TTC17: variants seen among roughly 807,000 people sequenced by gnomAD.
TTC17 encodes the protein tetratricopeptide repeat protein 17.
A neutral mutation model predicts 143.8 loss-of-function variants in TTC17; 58 were observed. The observed-to-expected ratio is 0.40, with a 90% CI of 0.33 to 0.50. The LOEUF is 0.50. Ranked by LOEUF, TTC17 falls within the 20% of genes least tolerant of loss-of-function variation. The pLI, the probability that TTC17 is intolerant of heterozygous loss-of-function variation, is 0.49. For synonymous variants in TTC17, 501 were observed against 497.8 expected, an observed-to-expected ratio of 1.01 and a Z score of -0.09; for missense variants, 1,273 against 1,392.5, an observed-to-expected ratio of 0.91 and a Z score of 1.37.
rs1304170134 is a variant in TTC17, at chr11:43,414,641, A to G, written c.2116A>G (p.Ser706Gly). The G allele has an allele frequency of 6.2e-7, 1 of 1,613,630 alleles. No homozygotes were observed. Among genetic ancestry groups the G allele is most frequent in the East Asian group, 2.2e-5 (1 of 44,868 alleles). Residue 706 changes from serine (S) to glycine (G), a missense_variant, in exon 16 of 24, where the codon AGT (serine) becomes GGT (glycine). This residue lies in a region of TTC17 where 878 missense variants were observed against 899.8 expected (regional missense o/e 0.98). Coordinates refer to ENST00000039989, the MANE Select transcript of TTC17 (RefSeq NM_018259.6). ...TGCTTACCTTGCTCTGAAGAATATCAGTGGGGCACTTGAGGCCTTTAGACA... is the reference window on the plus strand; with the variant it reads ...TGCTTACCTTGCTCTGAAGAATATCGGTGGGGCACTTGAGGCCTTTAGACA... ...GNAYLALKNISGALEAFRQAL... is the reference protein window; with the variant it reads ...GNAYLALKNIGGALEAFRQAL...
In TTC17 at chr11:43,402,862, G is replaced by A. The variant is rs72900923; in HGVS notation, c.1333-1136G>A. Among the ~76,000 whole-genome samples the A allele has an allele frequency of 3.7e-3, 563 of 152,202 alleles. 1 individual carries two copies. Among genetic ancestry groups the A allele is most frequent in the Non-Finnish European group, 6.2e-3 (421 of 67,990 alleles). On this transcript the variant is annotated intron_variant, in intron 10 of 23. Coordinates refer to ENST00000039989, the MANE Select transcript of TTC17 (RefSeq NM_018259.6). The stretch of plus-strand genomic sequence containing the variant: ...GAAATTTCCAGCAATAACTACTTAA[G>A]ATAACTAAGAGATTAGGAGAGCATC...
intron 16 of TTC17, 83 bp downstream of exon 16, chr11:43,414,859 C>T: frequency 1.4e-6 from 2 of 1,440,638 alleles, no homozygotes; most frequent in Non-Finnish European, 9.4e-7. Flanking sequence ...AAATGATTTT[C>T]TCTATTTTAC....
intron 21 of TTC17, among the ~76,000 whole-genome samples, chr11:43,463,546 A>G (rs1947912026): frequency 6.6e-6 from 1 of 152,202 alleles, no homozygotes; most frequent in African/African-American, 2.4e-5. Flanking sequence ...ACTCTTCTGA[A>G]AAATACAAAA....
intron 18 of TTC17, among the ~76,000 whole-genome samples, chr11:43,445,703 T>C (rs1007149468): frequency 2.0e-5 from 3 of 152,218 alleles, no homozygotes; most frequent in African/African-American, 7.2e-5. Context: ...CTCTAAAGCA[T>C]AGAGGACAGA....
chr11:43,414,505 G>T, intron 15 of TTC17, 85 bp from the exon 16 acceptor site: 1 of 1,425,052 alleles, frequency 7.0e-7, no homozygotes. Flanking sequence ...CCTAAAAAGA[G>T]CCAAAAGCCA....
In TTC17 at chr11:43,386,619, GC is replaced by G. The variant is rs1857178860; in HGVS notation, c.250-3030del. 2.6e-5 allele frequency among the ~76,000 whole-genome samples: 4 copies of G among 152,156 alleles called. No homozygotes were observed. In the South Asian group the frequency reaches 8.3e-4, roughly 32 times the overall value. On this transcript the variant is annotated intron_variant, in intron 2 of 23. Coordinates refer to ENST00000039989, the MANE Select transcript of TTC17 (RefSeq NM_018259.6). ...AATTAAGAAAACAGTTGATAAAGTT[GC>G]CCACCTTATAATTAAAAGTTTTTCT...
chr11:43,453,623 CA>C (rs1411842051), intron 21 of TTC17, among the ~76,000 whole-genome samples: 1 of 152,046 alleles, frequency 6.6e-6, no homozygotes, highest in Non-Finnish European at 1.5e-5. Flanking sequence ...TTCAGACAGC[CA>C]AAATGACCAG....
intron 5 of TTC17, 29 bp downstream of exon 5, chr11:43,391,981 C>T (rs762228550): frequency 1.0e-5 from 16 of 1,573,130 alleles, no homozygotes; most frequent in South Asian, 4.8e-5. Flanking sequence ...AAAGAGCCAG[C>T]GGGCTGAGCC....
At chr11:43,433,404 A>C (rs1368168451) in intron 16 of TTC17, among the ~76,000 whole-genome samples, 1 of 152,106 alleles carries the variant, frequency 6.6e-6, no homozygotes, top group Non-Finnish European at 1.5e-5. Flanking sequence ...ACTTCCAAGA[A>C]ATACCCTAAC....
intron 16 of TTC17, among the ~76,000 whole-genome samples, chr11:43,417,993 T>G (rs1227826287): frequency 6.6e-6 from 1 of 152,264 alleles, no homozygotes; most frequent in Admixed American, 6.5e-5. Context: ...CATGGAATTT[T>G]TAATGCAGAT....
chr11:43,417,433 GTATT>G (rs1319545984), intron 16 of TTC17, among the ~76,000 whole-genome samples: 2 of 152,168 alleles, frequency 1.3e-5, no homozygotes, highest in Admixed American at 6.6e-5. Context: ...TCTGTTTCAA[GTATT>G]TATTATGACA....
chr11:43,480,729 G>A (rs1229957008), intron 21 of TTC17, among the ~76,000 whole-genome samples: 2 of 152,032 alleles, frequency 1.3e-5, no homozygotes, highest in Non-Finnish European at 2.9e-5. Context: ...CTTTTATTAT[G>A]CAGGAGAAGA....
intron 21 of TTC17, among the ~76,000 whole-genome samples, chr11:43,468,908 A>G (rs150436072): frequency 6.6e-6 from 1 of 152,220 alleles, no homozygotes; most frequent in Non-Finnish European, 1.5e-5. Context: ...TTAAAAAAAA[A>G]TAAAATGTAT....
rs9804523 is a variant in TTC17 at position 43,427,539 on chromosome 11, A to G, written c.2251+12763A>G. On this transcript the variant is annotated intron_variant, in intron 16 of 23. Transcript: ENST00000039989. The stretch of plus-strand genomic sequence containing the variant: ...TTGCTAGTTTGATGAGTTAGCACTC[A>G]TTGCTTTCTGCAGCTCTATCCCATA... 7.8e-3 allele frequency among the ~76,000 whole-genome samples: 1,182 copies of G among 152,222 alleles called. 15 individuals carry two copies. The highest frequency in any genetic ancestry group is 0.028 in the African/African-American group (1,145 of 41,528).
Position 43,405,571 on chromosome 11 carries a change from G to A in TTC17, c.1537G>A (p.Val513Ile). 1 of 1,613,994 alleles carries A rather than the reference G, an allele frequency of 6.2e-7. No homozygotes were observed. The highest frequency in any genetic ancestry group is 8.5e-7 in the Non-Finnish European group (1 of 1,179,910). The change falls in exon 12 of 24, where the codon GTC becomes ATC. Residue 513 changes from valine to isoleucine, a missense_variant. Coordinates refer to ENST00000039989, the MANE Select transcript of TTC17 (RefSeq NM_018259.6). ...RADCTESYPR[V>I]PVGGELPTYF... Reference sequence around the variant, plus strand: ...AGATTGTACAGAAAGCTACCCTAGAGTCCCTGTTGGTGGGGAATTGCCAAC... The same window carrying A: ...AGATTGTACAGAAAGCTACCCTAGAATCCCTGTTGGTGGGGAATTGCCAAC...
intron 21 of TTC17, among the ~76,000 whole-genome samples, chr11:43,483,772 C>T (rs1025878052): frequency 1.3e-5 from 2 of 152,120 alleles, no homozygotes; most frequent in African/African-American, 4.8e-5. Flanking sequence ...TACTTGAAAT[C>T]AAGAAAAAGA....
chr11:43,397,915 TG>T (rs1414911817), intron 7 of TTC17, 58 bp from the exon 8 acceptor site: 1 of 898,950 alleles, frequency 1.1e-6, no homozygotes, highest in African/African-American at 4.3e-5. Flanking sequence ...TGTGTGTGTG[TG>T]TGTGTGTGTG....
At position 43,492,188 on chromosome 11, in the gene TTC17, G is replaced by T. The variant is rs746316311; in HGVS notation, c.3294+25G>T. On this transcript the variant is annotated intron_variant, in intron 23 of 23. Transcript: ENST00000039989. ...GGTGAGATGGGGGTGTGAGCAGTAT[G>T]TACCAACTCTGCCAAACAGTAGCAC... 4.4e-6 allele frequency: 7 copies of T among 1,603,866 alleles called. No homozygotes were observed. In the Admixed American group the frequency reaches 1.0e-4, roughly 23 times the overall value.
intron 2 of TTC17, among the ~76,000 whole-genome samples, chr11:43,382,468 C>G (rs1201258022): frequency 3.3e-5 from 5 of 152,076 alleles, no homozygotes; most frequent in Non-Finnish European, 7.4e-5. Flanking sequence ...GCATGTTAGA[C>G]TGTTTTGTCA....
Sources: allele counts gnomAD v4.1 joint callset (sites outside exome capture counted in the v4.1 genomes callset), GRCh38; gene constraint gnomAD v4.1.1; regional missense constraint gnomAD v4.1.1; transcripts MANE v1.5; gene names NCBI Gene and HGNC (gene_info 2026-07-23, HGNC 2026-07-21).